Variants in SEM1 observed in about 807,000 individuals in gnomAD.
SEM1 encodes the protein SEM1 26S proteasome subunit, also known as 26S proteasome complex subunit SEM1.
Under a neutral mutation model 12.7 loss-of-function variants are expected in SEM1, and 3 were observed. The ratio of observed to expected loss-of-function variants is 0.24; its 90% CI spans 0.11 to 0.61. SEM1 has a LOEUF of 0.61. Among genes scored for constraint, SEM1 ranks in the 20% least tolerant of loss-of-function variants. The pLI, the probability that SEM1 is intolerant of heterozygous loss-of-function variation, is 0.88. For missense variants in SEM1, 59 were observed against 81.3 expected (o/e 0.73, Z 1.06); for synonymous variants, 30 against 27.8 (o/e 1.08, Z -0.25).
chr7:96,632,661 C>T (rs1230117714), intron 2 of SEM1, among the ~76,000 whole-genome samples: 1 of 151,878 alleles, frequency 6.6e-6, no homozygotes, highest in Non-Finnish European at 1.5e-5. Flanking sequence ...ATGTAACGAA[C>T]CTGCACATTC....
chr7:96,544,442 T>C (rs547512793), intron 2 of SEM1, among the ~76,000 whole-genome samples: 15 of 152,156 alleles, frequency 9.9e-5, no homozygotes, highest in Non-Finnish European at 1.3e-4. Context: ...AAATAAGCTA[T>C]TGCTTAAATA....
chr7:96,562,526 A>G (rs1156710806), intron 2 of SEM1, among the ~76,000 whole-genome samples: 1 of 152,232 alleles, frequency 6.6e-6, no homozygotes, highest in Non-Finnish European at 1.5e-5. Flanking sequence ...AAATTAAAAA[A>G]TAATGAGACA....
chr7:96,612,979 G>C (rs531505032), intron 2 of SEM1, among the ~76,000 whole-genome samples: 2 of 152,118 alleles, frequency 1.3e-5, no homozygotes, highest in Admixed American at 6.5e-5. Context: ...TTTTTTAAAT[G>C]AAGAAAAGTA....
chr7:96,657,043 C>T (rs1809205693), intron 2 of SEM1, among the ~76,000 whole-genome samples: 2 of 152,040 alleles, frequency 1.3e-5, no homozygotes, highest in South Asian at 4.1e-4. Context: ...TATGCAGCAT[C>T]TATTATTCAT....
intron 2 of SEM1, among the ~76,000 whole-genome samples, chr7:96,589,314 C>T (rs552116347): frequency 3.3e-5 from 5 of 152,310 alleles, no homozygotes; most frequent in South Asian, 2.1e-4. Context: ...GGAGTGGAAA[C>T]GGCCCATCCC....
At chr7:96,549,738 C>T (rs1805208285) in intron 2 of SEM1, among the ~76,000 whole-genome samples, 1 of 152,118 alleles carries the variant, frequency 6.6e-6, no homozygotes, top group African/African-American at 2.4e-5. Flanking sequence ...ATTTGACTGC[C>T]ATTTCCAAAT....
At chr7:96,502,237 A>G (rs1803588080) in intron 3 of SEM1, among the ~76,000 whole-genome samples, 1 of 152,206 alleles carries the variant, frequency 6.6e-6, no homozygotes, top group Non-Finnish European at 1.5e-5. Flanking sequence ...TAGTAGAGCC[A>G]TAAATCAAAT....
At chr7:96,678,155 T>C (rs544759252) in intron 2 of SEM1, among the ~76,000 whole-genome samples, 18 of 152,280 alleles carry the variant, frequency 1.2e-4, no homozygotes, top group African/African-American at 4.1e-4. Context: ...ATTGGTGAAA[T>C]AGAACCTCTA....
chr7:96,555,349 C>T (rs1432785615), intron 2 of SEM1, among the ~76,000 whole-genome samples: 1 of 151,480 alleles, frequency 6.6e-6, no homozygotes, highest in East Asian at 1.9e-4. Context: ...TTTCCCTCTA[C>T]ACACTGTTTG....
chr7:96,488,638 A>C (rs1385359332), intron 1 of SEM1, among the ~76,000 whole-genome samples: 1 of 152,132 alleles, frequency 6.6e-6, no homozygotes, highest in African/African-American at 2.4e-5. Flanking sequence ...TTGGATTCTC[A>C]AACCATTCAT....
At chr7:96,687,777 G>A (rs1354849927), downstream of SEM1, among the ~76,000 whole-genome samples, 1 of 151,638 alleles carries the variant, frequency 6.6e-6, no homozygotes, top group Non-Finnish European at 1.5e-5. Flanking sequence ...AAAACTTAAA[G>A]TATAATAATA....
At chr7:96,494,042 G>A (rs1486736077) in intron 1 of SEM1, among the ~76,000 whole-genome samples, 1 of 152,124 alleles carries the variant, frequency 6.6e-6, no homozygotes, top group Non-Finnish European at 1.5e-5. Flanking sequence ...CAGAGTAACA[G>A]GAAGACACAA....
chr7:96,509,301 C>G (rs1803858205), intron 2 of SEM1, among the ~76,000 whole-genome samples: 1 of 151,812 alleles, frequency 6.6e-6, no homozygotes. Context: ...CCACCCCTCC[C>G]AATCAAGAGA....
intron 2 of SEM1, among the ~76,000 whole-genome samples, chr7:96,694,436 G>A (rs1790027744): frequency 6.6e-6 from 1 of 151,918 alleles, no homozygotes. Flanking sequence ...CTCCATTCCA[G>A]TTTGAGAATC....
At chr7:96,499,304 A>G (rs1304732564), upstream of SEM1, among the ~76,000 whole-genome samples, 1 of 152,206 alleles carries the variant, frequency 6.6e-6, no homozygotes, top group Non-Finnish European at 1.5e-5. Context: ...TAGGATAGAA[A>G]GTCCACTTGA....
intron 2 of SEM1, among the ~76,000 whole-genome samples, chr7:96,656,764 C>T (rs899135065): frequency 1.3e-5 from 2 of 151,786 alleles, no homozygotes; most frequent in South Asian, 2.1e-4. Flanking sequence ...AAGAATGCCA[C>T]GGGCTAGTAG....
Position 96,501,433 on chromosome 7 carries a change from C to T in SEM1, c.*60+5190G>A, listed in dbSNP as rs184772626. On this transcript the variant is annotated intron_variant and NMD_transcript_variant, in intron 3 of 3. Transcript: ENST00000466986. ...TAGGGCATCTTAGTAGTATATAGAC[C>T]TTTCACACACACACAAAAAAACCCA... 1.3e-3 allele frequency among the ~76,000 whole-genome samples: 189 copies of T among 150,314 alleles called. 2 individuals carry two copies. The highest frequency in any genetic ancestry group is 1.3e-3 in the Non-Finnish European group (90 of 67,012).
At chr7:96,491,695 T>C (rs576300098) in intron 1 of SEM1, among the ~76,000 whole-genome samples, 6 of 152,326 alleles carry the variant, frequency 3.9e-5, no homozygotes, top group Admixed American at 1.3e-4. Context: ...GAGCGAGGCA[T>C]ATCTTTGCTC....
rs370433372 is a variant in SEM1, at chr7:96,690,485, T to C, written c.171-1519A>G. Among the ~76,000 whole-genome samples the C allele has an allele frequency of 5.9e-4, 90 of 152,082 alleles. 2 individuals are homozygous for C. The South Asian group carries it at 0.018, about 30-fold the overall frequency. ...AATTTAAAAAACCAAAAGAAAAAAA[T>C]TGAGGCCACCAAGTACAAAACAAAA... On this transcript the variant is annotated intron_variant, in intron 2 of 2. Coordinates refer to ENST00000248566, the MANE Select transcript of SEM1 (RefSeq NM_006304.2).
Sources: gnomAD v4.1 joint callset for allele counts (sites outside exome capture counted in the v4.1 genomes callset) on GRCh38, gnomAD v4.1.1 for gene constraint, MANE v1.5 for transcripts, NCBI Gene and HGNC (gene_info 2026-07-23, HGNC 2026-07-21) for gene names.